ZC3H11A: variants seen among roughly 807,000 people sequenced by gnomAD.
ZC3H11A encodes the protein zinc finger CCCH domain-containing protein 11A.
Under a neutral mutation model 90.8 loss-of-function variants are expected in ZC3H11A, and 22 were observed. The observed-to-expected ratio is 0.24, with a 90% CI of 0.17 to 0.35. The LOEUF (loss-of-function observed/expected upper bound fraction) is 0.35. ZC3H11A is among the 10% of genes least tolerant of loss of function. The pLI is 1.00. For synonymous variants in ZC3H11A, 294 were observed against 339.8 expected, an observed-to-expected ratio of 0.87 and a Z score of 1.48; for missense variants, 701 against 964.9, an observed-to-expected ratio of 0.73 and a Z score of 3.62.
At chr1:203,798,264 C>T in intron 1 of ZC3H11A, 1 of 1,536,122 alleles carries the variant, frequency 6.5e-7, no homozygotes, top group South Asian at 1.2e-5. Flanking sequence ...AGGGAGATTT[C>T]TCATCAAAAG....
At chr1:203,805,793 C>G in intron 2 of ZC3H11A, 3 of 742,960 alleles carry the variant, frequency 4.0e-6, no homozygotes, top group South Asian at 2.7e-5. Flanking sequence ...TCTAGGTTGT[C>G]TTCATCTAAT....
intron 17 of ZC3H11A, 54 bp from the exon 18 acceptor site, chr1:203,852,087 T>A: frequency 6.2e-7 from 1 of 1,608,662 alleles, no homozygotes; most frequent in Non-Finnish European, 8.5e-7. Context: ...ACTAGGTGAT[T>A]CAGCCAACTA....
Position 203,828,308 on chromosome 1 carries a change from A to G in ZC3H11A, c.184A>G (p.Ser62Gly), listed in dbSNP as rs745947368. The G allele has an allele frequency of 6.2e-7, 1 of 1,614,130 alleles. No individual in the cohort carries two copies. Among genetic ancestry groups the G allele is most frequent in the Non-Finnish European group, 8.5e-7 (1 of 1,179,982 alleles). Residue 62 changes from serine (S) to glycine (G), a missense_variant, in exon 5 of 18, where the codon AGT (serine) becomes GGT (glycine). Coordinates refer to ENST00000367210, the MANE Select transcript of ZC3H11A (RefSeq NM_001376342.1). ...TTTTTCCCTCTTACAGAAAAAACGC[A>G]GTGAAATTCCTTGTTATTGGGAAAA... ...FRHMEIDKKR[S>G]EIPCYWENQP...
chr1:203,828,373 T>A lies in ZC3H11A; in HGVS notation c.249T>A (p.His83Gln). The change falls in exon 5 of 18, where the codon CAT becomes CAA. Residue 83 changes from histidine (H) to glutamine (Q), a missense_variant. By Grantham distance (24) the His-to-Gln change is conservative. This residue lies in a region of ZC3H11A where 59 missense variants were observed against 132.8 expected (regional missense o/e 0.44). Coordinates refer to ENST00000367210, the MANE Select transcript of ZC3H11A (RefSeq NM_001376342.1). ...TGCQKLNCAF[H>Q]HNRGRYVDGL... The stretch of plus-strand genomic sequence containing the variant: ...GTCAAAAATTAAACTGCGCTTTCCA[T>A]CACAATAGAGGACGATATGTTGATG... The A allele has an allele frequency of 6.2e-7, 1 of 1,614,008 alleles. No individual in the cohort carries two copies. The highest frequency in any genetic ancestry group is 8.5e-7 in the Non-Finnish European group (1 of 1,179,964).
intron 4 of ZC3H11A, among the ~76,000 whole-genome samples, chr1:203,827,096 T>A (rs973316271): frequency 6.6e-6 from 1 of 152,216 alleles, no homozygotes; most frequent in African/African-American, 2.4e-5. Flanking sequence ...TCATTTCACA[T>A]CTGTGGCATT....
intron 2 of ZC3H11A, among the ~76,000 whole-genome samples, chr1:203,803,567 C>A (rs143707535): frequency 0.011 from 1,628 of 152,240 alleles, 15 homozygotes; most frequent in Non-Finnish European, 0.016. Flanking sequence ...AAAGTGAAAT[C>A]TTCCTGTAAT....
At chr1:203,797,765 T>A in intron 1 of ZC3H11A, 1 of 1,535,670 alleles carries the variant, frequency 6.5e-7, no homozygotes, top group Non-Finnish European at 8.7e-7. Flanking sequence ...AATTGATTCT[T>A]GCCAAAAAGT....
rs1424721364 is a variant in ZC3H11A at position 203,852,161 on chromosome 1, A to G, written c.2195A>G (p.Gln732Arg). 2 of 1,613,422 alleles carry G rather than the reference A, an allele frequency of 1.2e-6. No individual in the cohort carries two copies. The highest frequency in any genetic ancestry group is 2.7e-5 in the African/African-American group (2 of 74,744). ...TACAGTCTTGTGCTGCCTCCAACCC[A>G]GTCCTCTTCAGATTCCTCACCCCCG... The part of the protein sequence containing the change: ...PRDSLVLPPT[Q>R]SSSDSSPPEV... Residue 732 changes from glutamine (Q) to arginine (R), a missense_variant, in exon 18 of 18, where the codon CAG becomes CGG. Physicochemically the swap from Gln to Arg is conservative, Grantham distance 43. Coordinates refer to ENST00000367210, the MANE Select transcript of ZC3H11A (RefSeq NM_001376342.1).
chr1:203,844,379 C>G (rs556232014), intron 12 of ZC3H11A, among the ~76,000 whole-genome samples: 1 of 151,652 alleles, frequency 6.6e-6, no homozygotes, highest in African/African-American at 2.4e-5. Context: ...AGGCTAGTCT[C>G]CAACTCCTGA....
intron 4 of ZC3H11A, among the ~76,000 whole-genome samples, chr1:203,820,579 G>A (rs1678270577): frequency 6.6e-6 from 1 of 151,634 alleles, no homozygotes; most frequent in Admixed American, 6.6e-5. Context: ...CTGAGTTCAT[G>A]TGATTCTTGT....
At chr1:203,851,606 A>G (rs951045284) in intron 17 of ZC3H11A, among the ~76,000 whole-genome samples, 2 of 152,306 alleles carry the variant, frequency 1.3e-5, no homozygotes. Context: ...CTGGGATTAC[A>G]GGCATGAGCT....
intron 14 of ZC3H11A, among the ~76,000 whole-genome samples, chr1:203,849,156 A>G (rs930427556): frequency 6.6e-5 from 10 of 152,312 alleles, no homozygotes; most frequent in Admixed American, 5.9e-4. Flanking sequence ...ACGTGTTGGG[A>G]TTACATGTGT....
At chr1:203,834,122 C>A in intron 10 of ZC3H11A, 2 of 1,106,856 alleles carry the variant, frequency 1.8e-6, no homozygotes, top group Non-Finnish European at 2.2e-6. Context: ...ACCTCTATTT[C>A]TCTGAACAAA....
intron 14 of ZC3H11A, among the ~76,000 whole-genome samples, chr1:203,848,615 C>T (rs1034453708): frequency 4.6e-5 from 7 of 152,122 alleles, no homozygotes; most frequent in African/African-American, 1.7e-4. Context: ...TTGCCGGGCG[C>T]GGTGGCTCAC....
intron 2 of ZC3H11A, among the ~76,000 whole-genome samples, chr1:203,813,435 C>T (rs953173724): frequency 6.6e-6 from 1 of 151,988 alleles, no homozygotes; most frequent in Admixed American, 6.6e-5. Flanking sequence ...AGTTGTTATC[C>T]ATGTTATTTT....
chr1:203,806,042 GCT>G, intron 2 of ZC3H11A: 1 of 533,494 alleles, frequency 1.9e-6, no homozygotes, highest in Non-Finnish European at 3.6e-6. Context: ...TCCTGCTGCT[GCT>G]CATACATCCG....
At chr1:203,805,798 T>G (rs1197178489) in intron 2 of ZC3H11A, 2 of 761,984 alleles carry the variant, frequency 2.6e-6, no homozygotes, top group Non-Finnish European at 4.7e-6. Flanking sequence ...GTTGTCTTCA[T>G]CTAATTCTGG....
chr1:203,797,760 A>G, intron 1 of ZC3H11A: 3 of 1,535,712 alleles, frequency 2.0e-6, no homozygotes, highest in Non-Finnish European at 1.7e-6. Flanking sequence ...AAAAAAATTG[A>G]TTCTTGCCAA....
At chr1:203,850,321 G>T (rs1395263822) in intron 15 of ZC3H11A, 194 bp from the exon 16 acceptor site, 5 of 759,694 alleles carry the variant, frequency 6.6e-6, no homozygotes, top group African/African-American at 3.5e-5. Context: ...AAGTGGTATT[G>T]TATCTACATG....
Sources: allele counts gnomAD v4.1 joint callset (sites outside exome capture counted in the v4.1 genomes callset), GRCh38; gene constraint gnomAD v4.1.1; regional missense constraint gnomAD v4.1.1; transcripts MANE v1.5; gene names NCBI Gene and HGNC (gene_info 2026-07-23, HGNC 2026-07-21).